The following NSA2 variants were observed in gnomAD, a reference collection of about 807,000 sequenced individuals.
NSA2 encodes the protein NSA2 ribosome biogenesis factor.
A neutral mutation model predicts 34.8 loss-of-function variants in NSA2; 18 were observed. That is an observed-to-expected ratio of 0.52 (90% CI 0.36 to 0.77). The LOEUF is 0.77. Among genes scored for constraint, NSA2 ranks in the 30% least tolerant of loss-of-function variants. NSA2 has a pLI of 0.00. For synonymous variants in NSA2, 79 were observed against 100.2 expected, an observed-to-expected ratio of 0.79 and a Z score of 1.26; for missense variants, 188 against 314.7, an observed-to-expected ratio of 0.60 and a Z score of 3.05.
In NSA2 at chr5:74,769,320, A is replaced by G. The variant is rs555852715; in HGVS notation, c.298A>G (p.Lys100Glu). The G allele has an allele frequency of 1.9e-6, 3 of 1,613,258 alleles. No homozygotes were observed. The highest frequency in any genetic ancestry group is 3.3e-4 in the Middle Eastern group (2 of 6,054). Residue 100 changes from lysine (K) to glutamate (E), a missense_variant, in exon 3 of 6, where the codon AAA becomes GAA. Coordinates refer to ENST00000610426, the MANE Select transcript of NSA2 (RefSeq NM_014886.6). ...GGACAGAGAGGGACAATCTCGAGCT[A>G]AAGTACTTTCCAATATGATTAAACA... is the stretch of plus-strand genomic sequence containing the variant. Reference protein sequence around the residue: ...LLDREGQSRAKVLSNMIKQKR... With the variant: ...LLDREGQSRAEVLSNMIKQKR...
intron 1 of NSA2, 57 bp downstream of exon 1, chr5:74,767,420 AG>A: frequency 6.2e-7 from 1 of 1,606,144 alleles, no homozygotes; most frequent in East Asian, 2.2e-5. Flanking sequence ...GTGGGACCTG[AG>A]GACTCTGGGG....
At chr5:74,774,109 G>C (rs1184025792) in intron 5 of NSA2, 49 bp downstream of exon 5, 5 of 1,274,790 alleles carry the variant, frequency 3.9e-6, no homozygotes, top group Middle Eastern at 1.9e-4. Flanking sequence ...AGTACTAATA[G>C]AAATACTATT....
chr5:74,778,577 A>T lies in NSA2; in HGVS notation c.*1906A>T, dbSNP rs1387522182. 7.1e-6 allele frequency: 1 copy of T among 141,160 alleles called. No homozygotes were observed. The highest frequency in any genetic ancestry group is 1.5e-5 in the Non-Finnish European group (1 of 66,832). The allele number at this position is 141,160 out of a possible 1,614,324, so 8.7% of individuals were successfully genotyped here. A position where few individuals can be genotyped will look rare whatever the true frequency, so the allele number is the denominator to read the frequency against. Reference sequence around the variant, plus strand: ...TTTTAAGTAGAAGACTGACGTTCTAAATCATGCTGTTTGATTTTATAAAAA... The same window carrying T: ...TTTTAAGTAGAAGACTGACGTTCTATATCATGCTGTTTGATTTTATAAAAA... On this transcript the variant is annotated 3_prime_UTR_variant, in exon 6 of 6. Coordinates refer to ENST00000610426, the MANE Select transcript of NSA2 (RefSeq NM_014886.6).
rs1021915505 is a variant in NSA2, at chr5:74,779,739, G to A, written c.*3068G>A. On this transcript the variant is annotated 3_prime_UTR_variant, in exon 6 of 6. Coordinates refer to ENST00000610426, the MANE Select transcript of NSA2 (RefSeq NM_014886.6). ...TTTGACTAATTAAAGAAAATATAGG[G>A]TAATACAATTGTTCAAAATCTAACA... The A allele has an allele frequency of 1.3e-5, 2 of 151,946 alleles. No homozygotes were observed. The highest frequency in any genetic ancestry group is 6.6e-5 in the Admixed American group (1 of 15,240). The allele number at this position is 151,946 out of a possible 1,614,324, so 9.4% of individuals were successfully genotyped here. A position where few individuals can be genotyped will look rare whatever the true frequency, so the allele number is the denominator to read the frequency against.
At position 74,779,501 on chromosome 5, in the gene NSA2, T is replaced by G. The variant is rs1745300854; in HGVS notation, c.*2830T>G. On this transcript the variant is annotated 3_prime_UTR_variant, in exon 6 of 6. Coordinates refer to ENST00000610426, the MANE Select transcript of NSA2 (RefSeq NM_014886.6). The stretch of plus-strand genomic sequence containing the variant: ...TTTCAAATCTAAGAAATGAAACATG[T>G]AAAGATTAAGAATTTACTGAATCTT... 1 of 152,172 alleles carries G rather than the reference T, an allele frequency of 6.6e-6. No homozygotes were observed. The highest frequency in any genetic ancestry group is 2.4e-5 in the African/African-American group (1 of 41,452). The allele number at this position is 152,172 out of a possible 1,614,324, so 9.4% of individuals were successfully genotyped here. A position where few individuals can be genotyped will look rare whatever the true frequency, so the allele number is the denominator to read the frequency against.
At position 74,779,469 on chromosome 5, in the gene NSA2, C is replaced by G. The variant is rs1461152773; in HGVS notation, c.*2798C>G. ...AATCCAAGTAAAAATAAAATATCTACAAGTGTTTTCAAATCTAAGAAATGA... is the reference window on the plus strand; with the variant it reads ...AATCCAAGTAAAAATAAAATATCTAGAAGTGTTTTCAAATCTAAGAAATGA... On this transcript the variant is annotated 3_prime_UTR_variant, in exon 6 of 6. Transcript: ENST00000610426. The G allele has an allele frequency of 6.6e-6, 1 of 152,032 alleles. No individual in the cohort carries two copies. Among genetic ancestry groups the G allele is most frequent in the African/African-American group, 2.4e-5 (1 of 41,412 alleles). The allele number at this position is 152,032 out of a possible 1,614,324, so 9.4% of individuals were successfully genotyped here. A position where few individuals can be genotyped will look rare whatever the true frequency, so the allele number is the denominator to read the frequency against.
intron 4 of NSA2, 140 bp from the exon 5 acceptor site, chr5:74,773,728 A>AT: frequency 1.6e-6 from 1 of 639,232 alleles, no homozygotes; most frequent in Non-Finnish European, 2.6e-6. Context: ...TGTAAAACAT[A>AT]TTTTGTTAGC....
rs566817524 is a variant in NSA2, at chr5:74,777,517, T to C, written c.*846T>C. On this transcript the variant is annotated 3_prime_UTR_variant, in exon 6 of 6. Coordinates refer to ENST00000610426, the MANE Select transcript of NSA2 (RefSeq NM_014886.6). Reference sequence around the variant, plus strand: ...ACTTGGTGAAAGCACTTTTGTGATCTGTTATATGTTGTGGTTTTAAGGATG... The same window carrying C: ...ACTTGGTGAAAGCACTTTTGTGATCCGTTATATGTTGTGGTTTTAAGGATG... 19 of 152,264 alleles carry C rather than the reference T, an allele frequency of 1.2e-4. No homozygotes were observed. The South Asian group carries it at 3.1e-3, about 25-fold the overall frequency. The allele number at this position is 152,264 out of a possible 1,614,324, so 9.4% of individuals were successfully genotyped here.
chr5:74,772,180 A>T (rs1179433981), intron 4 of NSA2, among the ~76,000 whole-genome samples: 1 of 147,874 alleles, frequency 6.8e-6, no homozygotes, highest in Non-Finnish European at 1.5e-5. Context: ...GCGGGAGTGC[A>T]GTGGCACGAT....
rs1355155328 is a variant in NSA2, at chr5:74,778,977, A to G, written c.*2306A>G. 1 of 152,142 alleles carries G rather than the reference A, an allele frequency of 6.6e-6. No homozygotes were observed. The highest frequency in any genetic ancestry group is 1.5e-5 in the Non-Finnish European group (1 of 67,950). The allele number at this position is 152,142 out of a possible 1,614,324, so 9.4% of individuals were successfully genotyped here. Reference sequence around the variant, plus strand: ...GAAGATAAATTGTGGTATAAATTCTATACTCAAGTTACTGAACATGAGAGT... The same window carrying G: ...GAAGATAAATTGTGGTATAAATTCTGTACTCAAGTTACTGAACATGAGAGT... On this transcript the variant is annotated 3_prime_UTR_variant, in exon 6 of 6. Coordinates refer to ENST00000610426, the MANE Select transcript of NSA2 (RefSeq NM_014886.6).
chr5:74,767,642 C>G (rs961707159), intron 1 of NSA2, among the ~76,000 whole-genome samples: 1 of 152,102 alleles, frequency 6.6e-6, no homozygotes, highest in Admixed American at 6.5e-5. Flanking sequence ...CCTAAAAATT[C>G]CTGATTTCAC....
chr5:74,771,884 G>T (rs938505104), intron 4 of NSA2, among the ~76,000 whole-genome samples: 1 of 149,616 alleles, frequency 6.7e-6, no homozygotes, highest in East Asian at 2.0e-4. Flanking sequence ...AAAAGAAAAA[G>T]AAAATCTTTG....
chr5:74,767,575 G>C (rs1744727909), intron 1 of NSA2, among the ~76,000 whole-genome samples: 3 of 152,180 alleles, frequency 2.0e-5, no homozygotes, highest in Non-Finnish European at 4.4e-5. Context: ...ACAAGCTTTG[G>C]AGCAAGATTT....
rs371734076 is a variant in NSA2, at chr5:74,776,673, A to T, written c.*2A>T. On this transcript the variant is annotated 3_prime_UTR_variant, in exon 6 of 6. Coordinates refer to ENST00000610426, the MANE Select transcript of NSA2 (RefSeq NM_014886.6). ...ATAAATGCAGTCTTACTGGTTTGAC[A>T]GCAATTTCATATATAATTATTGAGG... is the stretch of plus-strand genomic sequence containing the variant. 8 of 1,481,402 alleles carry T rather than the reference A, an allele frequency of 5.4e-6. No individual in the cohort carries two copies. The highest frequency in any genetic ancestry group is 1.4e-5 in the African/African-American group (1 of 72,328). The allele number at this position is 1,481,402 out of a possible 1,614,324, so 91.8% of individuals were successfully genotyped here.
At position 74,773,927 on chromosome 5, in the gene NSA2, A is replaced by T; in HGVS notation, c.582A>T (p.Leu194=). The T allele has an allele frequency of 6.2e-7, 1 of 1,613,974 alleles. No individual in the cohort carries two copies. Among genetic ancestry groups the T allele is most frequent in the Non-Finnish European group, 8.5e-7 (1 of 1,179,858 alleles). ...CTGAACTGAAAGCCACCTTTTGCCT[A>T]CCAATACTTGGTGTAAAGAAGAATC... The part of the protein sequence containing the change: ...THPELKATFC[L]PILGVKKNPS... Residue 194 remains leucine, a synonymous_variant, in exon 5 of 6, where the codon CTA becomes CTT. Transcript: ENST00000610426.
At chr5:74,775,852 C>T (rs899125887) in intron 5 of NSA2, among the ~76,000 whole-genome samples, 1 of 152,014 alleles carries the variant, frequency 6.6e-6, no homozygotes, top group African/African-American at 2.4e-5. Context: ...GTACCCAGAT[C>T]CAATTTCTTT....
rs752298373 is a variant in NSA2, at chr5:74,768,968, A to G, written c.41A>G (p.Tyr14Cys). The change falls in exon 2 of 6, where the codon TAT becomes TGT. Residue 14 changes from tyrosine to cysteine, a missense_variant. Physicochemically the swap from Tyr to Cys is radical, Grantham distance 194. Coordinates refer to ENST00000610426, the MANE Select transcript of NSA2 (RefSeq NM_014886.6). Reference protein sequence around the residue: ...NEYIELHRKRYGYRLDYHEKK... With the variant: ...NEYIELHRKRCGYRLDYHEKK... ...TATATTGAATTACACCGTAAACGCT[A>G]TGGATACCGTTTGGATTACCATGAG... 8 of 1,604,034 alleles carry G rather than the reference A, an allele frequency of 5.0e-6. No individual in the cohort carries two copies. In the Admixed American group the frequency reaches 5.2e-5, roughly 10 times the overall value.
rs1175787229 is a variant in NSA2, at chr5:74,776,886, A to AAAT, written c.*217_*219dup. ...TAAAACTGAATGATTGAAAAAAAGC[A>AAAT]AATATACAAATATCCTACTTCATCA... On this transcript the variant is annotated 3_prime_UTR_variant, in exon 6 of 6. Coordinates refer to ENST00000610426, the MANE Select transcript of NSA2 (RefSeq NM_014886.6). 12 of 380,060 alleles carry AAAT rather than the reference A, an allele frequency of 3.2e-5. No individual in the cohort carries two copies. Among genetic ancestry groups the AAAT allele is most frequent in the Admixed American group, 3.1e-4 (7 of 22,474 alleles). The allele number at this position is 380,060 out of a possible 1,614,324, so 23.5% of individuals were successfully genotyped here.
intron 1 of NSA2, among the ~76,000 whole-genome samples, 154 bp from the exon 2 acceptor site, chr5:74,768,777 C>T (rs1377528101): frequency 6.6e-6 from 1 of 152,160 alleles, no homozygotes; most frequent in African/African-American, 2.4e-5. Context: ...CAAAATTTAA[C>T]TTACATCATG....
Sources: gnomAD v4.1 joint callset for allele counts (sites outside exome capture counted in the v4.1 genomes callset) on GRCh38, gnomAD v4.1.1 for gene constraint, MANE v1.5 for transcripts, NCBI Gene and HGNC (gene_info 2026-07-23, HGNC 2026-07-21) for gene names.